The following OPCML variants were observed in gnomAD, a reference collection of about 807,000 sequenced individuals.
OPCML encodes opioid-binding protein/cell adhesion molecule.
In OPCML, 13 loss-of-function variants were observed where a neutral mutation model predicts 37.8. The observed-to-expected ratio is 0.34, with a 90% CI of 0.22 to 0.55. The LOEUF (loss-of-function observed/expected upper bound fraction) is 0.55, where lower values mean the gene tolerates loss of function less well. OPCML is among the 20% of genes least tolerant of loss of function. The pLI is 0.91. For missense variants in OPCML, 341 were observed against 435.6 expected, an observed-to-expected ratio of 0.78 and a Z score of 1.93; for synonymous variants, 176 against 168.8, an observed-to-expected ratio of 1.04 and a Z score of -0.33.
At chr11:133,332,000 T>G (rs116502210) in intron 1 of OPCML, among the ~76,000 whole-genome samples, 2,156 of 152,324 alleles carry the variant, frequency 0.014, 54 homozygotes, top group African/African-American at 0.048. Context: ...AGGAGTAGCA[T>G]AGAATCTGTA....
chr11:133,268,650 A>C (rs1367785952), intron 1 of OPCML, among the ~76,000 whole-genome samples: 1 of 152,226 alleles, frequency 6.6e-6, no homozygotes, highest in African/African-American at 2.4e-5. Context: ...AAAACCATAG[A>C]TTAACAATTT....
At chr11:132,549,332 T>C (rs1309219408) in intron 3 of OPCML, among the ~76,000 whole-genome samples, 1 of 152,178 alleles carries the variant, frequency 6.6e-6, no homozygotes, top group African/African-American at 2.4e-5. Flanking sequence ...GGAGGAACCC[T>C]CAGTTCCAGG....
At chr11:132,522,664 T>C (rs918217687) in intron 4 of OPCML, among the ~76,000 whole-genome samples, 6 of 152,290 alleles carry the variant, frequency 3.9e-5, no homozygotes, top group African/African-American at 1.4e-4. Flanking sequence ...CAGTAAAGGG[T>C]TTTGAGGATC....
rs148043852 is a variant in OPCML, at chr11:132,481,009, A to G, written c.506-43650T>C. On this transcript the variant is annotated intron_variant, in intron 4 of 7. Transcript: ENST00000524381. ...ACATCATAACGACAGGATCAAATTC[A>G]CAATTTGATATTAATTATTAACTTT... is the stretch of plus-strand genomic sequence containing the variant. Among the ~76,000 whole-genome samples the G allele has an allele frequency of 5.2e-3, 789 of 152,268 alleles. 8 individuals are homozygous for G. Among genetic ancestry groups the G allele is most frequent in the African/African-American group, 0.018 (750 of 41,560 alleles).
At chr11:132,497,710 G>T (rs529463195) in intron 4 of OPCML, among the ~76,000 whole-genome samples, 1 of 152,210 alleles carries the variant, frequency 6.6e-6, no homozygotes, top group Admixed American at 6.5e-5. Flanking sequence ...TGGACAGAGG[G>T]GAATAATGAT....
rs1948675653 is a variant in OPCML at position 133,079,525 on chromosome 11, G to A, written c.62-136515C>T. On this transcript the variant is annotated intron_variant, in intron 1 of 7. Coordinates refer to ENST00000524381, the MANE Select transcript of OPCML (RefSeq NM_001012393.5). ...CTATATGAAAAGAGGCTAAAAAATG[G>A]CTAAAACAAATCTGCCCGAGTACTC... Among the ~76,000 whole-genome samples, 2 of 151,448 alleles carry A rather than the reference G, an allele frequency of 1.3e-5. 1 individual carries two copies. Among genetic ancestry groups the A allele is most frequent in the South Asian group, 4.2e-4 (2 of 4,738 alleles).
chr11:132,836,221 T>C (rs910025304), intron 2 of OPCML, among the ~76,000 whole-genome samples: 1 of 152,200 alleles, frequency 6.6e-6, no homozygotes, highest in African/African-American at 2.4e-5. Context: ...ATAAACATTA[T>C]GTTGGCTTTT....
chr11:132,467,472 C>A (rs2136940075), intron 4 of OPCML, among the ~76,000 whole-genome samples: 1 of 152,358 alleles, frequency 6.6e-6, no homozygotes, highest in Non-Finnish European at 1.5e-5. Flanking sequence ...GTCTGTACAA[C>A]TCATTTTGCC....
At chr11:132,537,736 A>ATTTG (rs2096344765) in intron 3 of OPCML, among the ~76,000 whole-genome samples, 2 of 152,242 alleles carry the variant, frequency 1.3e-5, no homozygotes, top group African/African-American at 4.8e-5. Context: ...AAATAATCCA[A>ATTTG]TTTAAAAATG....
At chr11:132,471,139 C>T (rs148343900) in intron 4 of OPCML, among the ~76,000 whole-genome samples, 16 of 152,058 alleles carry the variant, frequency 1.1e-4, no homozygotes, top group Admixed American at 1.0e-3. Context: ...TTCAATACAG[C>T]CCTTGATAAA....
chr11:132,579,202 C>T (rs530504721), intron 3 of OPCML, among the ~76,000 whole-genome samples: 20 of 152,222 alleles, frequency 1.3e-4, no homozygotes, highest in African/African-American at 4.3e-4. Flanking sequence ...CTATCTACAT[C>T]GCTCACTTCC....
At chr11:132,653,546 C>T (rs1941544043) in intron 3 of OPCML, among the ~76,000 whole-genome samples, 2 of 152,226 alleles carry the variant, frequency 1.3e-5, no homozygotes, top group Non-Finnish European at 2.9e-5. Context: ...TCACACGGTG[C>T]CTGTGCTGAT....
At chr11:132,842,383 C>T (rs916945950) in intron 2 of OPCML, among the ~76,000 whole-genome samples, 7 of 152,210 alleles carry the variant, frequency 4.6e-5, no homozygotes, top group Non-Finnish European at 1.0e-4. Flanking sequence ...CCACATTACT[C>T]AGCAGCTCTG....
At chr11:132,771,932 C>T (rs926017504) in intron 2 of OPCML, 4 of 152,232 alleles carry the variant, frequency 2.6e-5, no homozygotes, top group Non-Finnish European at 2.9e-5. Context: ...TAACTGGGCT[C>T]AGTCGGGCAG....
chr11:133,072,251 A>G (rs1432034027), intron 1 of OPCML, among the ~76,000 whole-genome samples: 1 of 152,230 alleles, frequency 6.6e-6, no homozygotes, highest in Admixed American at 6.5e-5. Flanking sequence ...ATGTTTCAAA[A>G]TGATGAATTT....
intron 1 of OPCML, among the ~76,000 whole-genome samples, chr11:133,358,715 A>C (rs1944346885): frequency 6.6e-6 from 1 of 152,202 alleles, no homozygotes; most frequent in Non-Finnish European, 1.5e-5. Context: ...GGGTAAGCAC[A>C]CACAGGCTGA....
intron 7 of OPCML, among the ~76,000 whole-genome samples, chr11:132,421,874 A>G (rs541163458): frequency 2.0e-5 from 3 of 152,314 alleles, no homozygotes; most frequent in Non-Finnish European, 4.4e-5. Flanking sequence ...AGAAATGCTC[A>G]GGTTGAAGCT....
intron 4 of OPCML, among the ~76,000 whole-genome samples, chr11:132,495,894 CA>C (rs202115452): frequency 0.073 from 7,325 of 100,012 alleles, 401 homozygotes; most frequent in African/African-American, 0.19. Flanking sequence ...GACTCCATCT[CA>C]AAAAAAAAAA....
chr11:133,486,353 T>C (rs1039716293), intron 1 of OPCML, among the ~76,000 whole-genome samples: 1 of 152,238 alleles, frequency 6.6e-6, no homozygotes, highest in Non-Finnish European at 1.5e-5. Flanking sequence ...AGGTCACCAA[T>C]TACTTTTGCA....
Sources: gnomAD v4.1 joint callset for allele counts (sites outside exome capture counted in the v4.1 genomes callset) on GRCh38, gnomAD v4.1.1 for gene constraint, MANE v1.5 for transcripts, NCBI Gene and HGNC (gene_info 2026-07-23, HGNC 2026-07-21) for gene names.